IL1RAPL1: variants seen among roughly 807,000 people sequenced by gnomAD.
The protein encoded by IL1RAPL1 is interleukin-1 receptor accessory protein-like 1.
IL1RAPL1 carries 3 observed loss-of-function variants against 48.4 expected under a neutral mutation model. The observed-to-expected ratio is 0.06, with a 90% CI of 0.03 to 0.16. IL1RAPL1 has a LOEUF of 0.16. Among genes scored for constraint, IL1RAPL1 ranks in the 10% least tolerant of loss-of-function variants. IL1RAPL1 has a pLI of 1.00. For missense variants in IL1RAPL1, 349 were observed against 530.6 expected, an observed-to-expected ratio of 0.66 and a Z score of 3.36; for synonymous variants, 185 against 187.7, an observed-to-expected ratio of 0.99 and a Z score of 0.12.
chrX:29,069,628 A>ACAC (rs1927519880), intron 2 of IL1RAPL1, among the ~76,000 whole-genome samples: 1 of 83,735 alleles, frequency 1.2e-5, no homozygotes, highest in Non-Finnish European at 2.4e-5. Flanking sequence ...TTTCCTATAG[A>ACAC]ACACACACAC....
At chrX:28,805,829 C>A (rs1043460887) in intron 2 of IL1RAPL1, among the ~76,000 whole-genome samples, 1 of 110,020 alleles carries the variant, frequency 9.1e-6, no homozygotes, top group African/African-American at 3.3e-5. Flanking sequence ...ATAAAAACAT[C>A]TTTATCCGTT....
chrX:29,587,904 T>C (rs1272343870), intron 5 of IL1RAPL1, among the ~76,000 whole-genome samples: 1 of 112,265 alleles, frequency 8.9e-6, no homozygotes, highest in South Asian at 3.7e-4. Context: ...TTCCCTCAGC[T>C]TTTCTCTATT....
intron 2 of IL1RAPL1, among the ~76,000 whole-genome samples, chrX:29,281,699 G>GA (rs1932204437): frequency 2.7e-5 from 3 of 111,388 alleles, no homozygotes; most frequent in Non-Finnish European, 3.8e-5. Flanking sequence ...TCCAGTTAGA[G>GA]AAAAAAACAC....
At chrX:29,200,340 AT>A (rs1445518294) in intron 2 of IL1RAPL1, among the ~76,000 whole-genome samples, 1 of 111,320 alleles carries the variant, frequency 9.0e-6, no homozygotes, top group Non-Finnish European at 1.9e-5. Context: ...CCTTGATTGC[AT>A]TTAGTATCTT....
intron 6 of IL1RAPL1, among the ~76,000 whole-genome samples, chrX:29,767,061 G>T (rs1456602865): frequency 1.8e-5 from 2 of 110,800 alleles, no homozygotes; most frequent in African/African-American, 6.5e-5. Context: ...ACATTCCGAT[G>T]ACATGTCCAT....
At chrX:29,186,094 T>A (rs181199445) in intron 2 of IL1RAPL1, among the ~76,000 whole-genome samples, 211 of 112,405 alleles carry the variant, frequency 1.9e-3, no homozygotes, top group South Asian at 4.7e-3. Flanking sequence ...TAATAAGCTT[T>A]TAATATTTGT....
chrX:29,868,380 C>T (rs1338917723), intron 6 of IL1RAPL1, among the ~76,000 whole-genome samples: 1 of 111,857 alleles, frequency 8.9e-6, no homozygotes, highest in East Asian at 2.8e-4. Flanking sequence ...AATTTTATGC[C>T]CCCAGATATT....
Position 29,015,516 on chromosome X carries a change from A to G in IL1RAPL1, c.82+226091A>G, listed in dbSNP as rs148665198. 5.2e-3 allele frequency among the ~76,000 whole-genome samples: 576 copies of G among 111,253 alleles called. 4 individuals carry two copies. Among genetic ancestry groups the G allele is most frequent in the African/African-American group, 0.018 (558 of 30,711 alleles). ...TTAGAAGAATATGTCACAACAGAAT[A>G]ATTAAAAGTGAGTACTAAGAAATAC... On this transcript the variant is annotated intron_variant, in intron 2 of 10. Coordinates refer to ENST00000378993, the MANE Select transcript of IL1RAPL1 (RefSeq NM_014271.4).
intron 2 of IL1RAPL1, among the ~76,000 whole-genome samples, chrX:29,270,802 C>T (rs746039845): frequency 1.8e-5 from 2 of 111,180 alleles, no homozygotes; most frequent in East Asian, 5.6e-4. Flanking sequence ...ATTAGTATGC[C>T]CATTTGATTG....
intron 2 of IL1RAPL1, among the ~76,000 whole-genome samples, chrX:29,249,411 A>G (rs1027683102): frequency 1.8e-5 from 2 of 111,422 alleles, no homozygotes; most frequent in African/African-American, 6.5e-5. Context: ...TTTTTCACAG[A>G]TATTTTGACA....
At chrX:28,743,510 G>T (rs1281796973) in intron 1 of IL1RAPL1, among the ~76,000 whole-genome samples, 3 of 110,984 alleles carry the variant, frequency 2.7e-5, no homozygotes, top group Admixed American at 9.7e-5. Flanking sequence ...GTCTCCTAGG[G>T]TTGAATTGAG....
At chrX:29,148,338 T>A (rs1400022341) in intron 2 of IL1RAPL1, among the ~76,000 whole-genome samples, 1 of 111,786 alleles carries the variant, frequency 8.9e-6, no homozygotes, top group East Asian at 2.8e-4. Flanking sequence ...AAAGAATATT[T>A]TAATGATACA....
At chrX:29,541,161 C>G (rs1457622603) in intron 5 of IL1RAPL1, among the ~76,000 whole-genome samples, 2 of 111,501 alleles carry the variant, frequency 1.8e-5, no homozygotes, top group East Asian at 5.7e-4. Context: ...TATAAGTGAC[C>G]AATAAACACA....
chrX:29,589,897 G>T (rs187183695), intron 5 of IL1RAPL1, among the ~76,000 whole-genome samples: 1 of 111,046 alleles, frequency 9.0e-6, no homozygotes, highest in African/African-American at 3.3e-5. Context: ...CGGCTTCTGG[G>T]GAAGCCTCAT....
chrX:29,597,448 C>T (rs904532626), intron 5 of IL1RAPL1, among the ~76,000 whole-genome samples: 2 of 107,547 alleles, frequency 1.9e-5, no homozygotes, highest in African/African-American at 7.4e-5. Flanking sequence ...CCACCACGCC[C>T]GGCCTTGTTG....
At chrX:29,406,814 T>A (rs950625186) in intron 5 of IL1RAPL1, among the ~76,000 whole-genome samples, 4 of 112,151 alleles carry the variant, frequency 3.6e-5, no homozygotes, top group African/African-American at 1.3e-4. Context: ...TTTTAATACG[T>A]CATCCCAGTG....
At chrX:29,129,838 C>G (rs1928983706) in intron 2 of IL1RAPL1, among the ~76,000 whole-genome samples, 1 of 110,488 alleles carries the variant, frequency 9.1e-6, no homozygotes, top group Non-Finnish European at 1.9e-5. Context: ...TCATGATCCG[C>G]CCGCCTCGGC....
At position 29,130,075 on chromosome X, in the gene IL1RAPL1, A is replaced by G. The variant is rs538178668; in HGVS notation, c.83-152863A>G. Among the ~76,000 whole-genome samples, 12 of 111,671 alleles carry G rather than the reference A, an allele frequency of 1.1e-4. No individual in the cohort carries two copies. In the South Asian group the frequency reaches 4.4e-3, roughly 41 times the overall value. On this transcript the variant is annotated intron_variant, in intron 2 of 10. Transcript: ENST00000378993. ...TACACAAAAGTCTTGGAAGCAATTT[A>G]CTACCCACCCCTAGCTCTGGTATTC...
At chrX:29,539,244 AC>A (rs1252402413) in intron 5 of IL1RAPL1, among the ~76,000 whole-genome samples, 1 of 111,953 alleles carries the variant, frequency 8.9e-6, no homozygotes, top group East Asian at 2.8e-4. Flanking sequence ...CTGGGATGCA[AC>A]GTTGGTTTAA....
Sources: allele counts gnomAD v4.1 joint callset (sites outside exome capture counted in the v4.1 genomes callset), GRCh38; gene constraint gnomAD v4.1.1; transcripts MANE v1.5; gene names NCBI Gene and HGNC (gene_info 2026-07-23, HGNC 2026-07-21).